Variants in TLCD3B observed in about 807,000 individuals in gnomAD.
TLCD3B encodes TLC domain containing 3B, also known as ceramide synthase.
TLCD3B carries 9 observed loss-of-function variants against 23.0 expected under a neutral mutation model. The observed-to-expected ratio is 0.39, with a 90% CI of 0.24 to 0.68. TLCD3B has a LOEUF of 0.68. TLCD3B is among the 30% of genes least tolerant of loss of function. TLCD3B has a pLI of 0.44. For missense variants in TLCD3B, 307 were observed against 371.8 expected (o/e 0.83, Z 1.43); for synonymous variants, 161 against 161.0 (o/e 1.00, Z 0.00).
chr16:30,040,312 T>C (rs2071561567), intron 3 of TLCD3B, among the ~76,000 whole-genome samples: 1 of 151,970 alleles, frequency 6.6e-6, no homozygotes, highest in Admixed American at 6.6e-5. Flanking sequence ...AGCCAGTTAC[T>C]GTCATTCTGA....
chr16:30,034,907 TTC>T (rs1398017966), upstream of TLCD3B, among the ~76,000 whole-genome samples: 3 of 134,514 alleles, frequency 2.2e-5, no homozygotes, highest in East Asian at 4.2e-4. Flanking sequence ...GTGTCTTTTT[TTC>T]TTTTTCTTTT....
At chr16:30,041,591 G>A (rs983789353) in intron 2 of TLCD3B, among the ~76,000 whole-genome samples, 4 of 151,628 alleles carry the variant, frequency 2.6e-5, no homozygotes, top group Middle Eastern at 3.2e-3. Context: ...GCATGGTGGT[G>A]GGTGCCTGTA....
At chr16:30,049,525 C>G (rs2071719003) in intron 1 of TLCD3B, among the ~76,000 whole-genome samples, 1 of 152,188 alleles carries the variant, frequency 6.6e-6, no homozygotes, top group South Asian at 2.1e-4. Flanking sequence ...TATGATACAT[C>G]TGACATCTCC....
intron 3 of TLCD3B, among the ~76,000 whole-genome samples, chr16:30,039,248 C>T (rs77600413): frequency 2.6e-5 from 4 of 151,776 alleles, no homozygotes; most frequent in South Asian, 2.1e-4. Context: ...CTTAGCCTCC[C>T]GAGTAGCTGG....
chr16:30,035,568 A>G (rs540915837), upstream of TLCD3B: 17 of 1,206,094 alleles, frequency 1.4e-5, no homozygotes, highest in South Asian at 8.2e-5. Context: ...TTCACCCCCA[A>G]TGAGGCAAGC....
chr16:30,031,791 A>G (rs2071367310), upstream of TLCD3B, among the ~76,000 whole-genome samples: 2 of 152,180 alleles, frequency 1.3e-5, no homozygotes, highest in Admixed American at 6.5e-5. Flanking sequence ...CTCCGAGGTC[A>G]CTGCGTCTGT....
chr16:30,042,301 C>T (rs181500090), intron 2 of TLCD3B, among the ~76,000 whole-genome samples: 57 of 152,060 alleles, frequency 3.7e-4, no homozygotes, highest in Admixed American at 1.3e-3. Flanking sequence ...TGCAGTGGCA[C>T]GATCTTGTCT....
intron 1 of TLCD3B, among the ~76,000 whole-genome samples, chr16:30,047,091 G>C (rs2071685170): frequency 6.6e-6 from 1 of 151,902 alleles, no homozygotes; most frequent in African/African-American, 2.4e-5. Flanking sequence ...CTCCTAAGTA[G>C]CTAGAATTAC....
chr16:30,036,303 GT>G, intron 3 of TLCD3B: 9 of 1,289,032 alleles, frequency 7.0e-6, no homozygotes, highest in Non-Finnish European at 9.1e-6. Context: ...CAAAGCGATT[GT>G]TGTTCCATTA....
chr16:30,040,441 A>C (rs1490520692), intron 3 of TLCD3B, among the ~76,000 whole-genome samples: 1 of 152,014 alleles, frequency 6.6e-6, no homozygotes, highest in Non-Finnish European at 1.5e-5. Flanking sequence ...TGAGTCTCAG[A>C]AAAGTTGAAT....
intron 2 of TLCD3B, among the ~76,000 whole-genome samples, chr16:30,041,790 T>G (rs2071583465): frequency 6.6e-6 from 1 of 152,032 alleles, no homozygotes; most frequent in African/African-American, 2.4e-5. Context: ...ATATCTTTTA[T>G]TTTGTGACTG....
intron 2 of TLCD3B, chr16:30,027,286 T>C (rs950289389): frequency 7.3e-6 from 3 of 413,662 alleles, no homozygotes; most frequent in African/African-American, 4.1e-5. Context: ...CGCCCATTCC[T>C]GCCTCCTGGG....
At position 30,025,679 on chromosome 16, in the gene TLCD3B, C is replaced by T; in HGVS notation, c.540+47G>A. ...AGCAACCTTGAAGGTCCCTCCCCTT[C>T]CTGTGACCTCCCCATTGGGCTCCTG... On this transcript the variant is annotated intron_variant, in intron 4 of 4. Transcript: ENST00000380495. This position sits in a 1 kb window ranked among gnomAD's most constrained non-coding sequence, Gnocchi z 4.1. 6.3e-7 allele frequency: 1 copy of T among 1,586,202 alleles called. No individual in the cohort carries two copies. Among genetic ancestry groups the T allele is most frequent in the South Asian group, 1.1e-5 (1 of 90,518 alleles).
At chr16:30,044,911 G>A (rs878875158) in intron 2 of TLCD3B, among the ~76,000 whole-genome samples, 1 of 151,752 alleles carries the variant, frequency 6.6e-6, no homozygotes, top group South Asian at 2.1e-4. Context: ...TGGCCAATAT[G>A]GTGTAACCCC....
Position 30,025,858 on chromosome 16 carries a change from C to G in TLCD3B, c.445-37G>C, listed in dbSNP as rs749960213. Reference sequence around the variant, plus strand: ...GGCAGGAAGGTGAGGAGCTGGGGCTCTCCCTGGGTTCTTGGGCAGCCCCCG... The same window carrying G: ...GGCAGGAAGGTGAGGAGCTGGGGCTGTCCCTGGGTTCTTGGGCAGCCCCCG... On this transcript the variant is annotated intron_variant, in intron 3 of 4. Transcript: ENST00000380495. This position sits in a 1 kb window ranked among gnomAD's most constrained non-coding sequence, Gnocchi z 4.1. 8.4e-6 allele frequency: 13 copies of G among 1,553,920 alleles called. No individual in the cohort carries two copies. The African/African-American group carries it at 1.8e-4, about 21-fold the overall frequency.
At chr16:30,039,837 AG>A (rs1158051377) in intron 3 of TLCD3B, among the ~76,000 whole-genome samples, 6 of 151,234 alleles carry the variant, frequency 4.0e-5, no homozygotes, top group African/African-American at 1.5e-4. Context: ...GAAAATTAAA[AG>A]TTAAACCAAG....
intron 3 of TLCD3B, among the ~76,000 whole-genome samples, chr16:30,037,115 TA>T (rs998578171): frequency 1.7e-4 from 24 of 142,726 alleles, no homozygotes; most frequent in African/African-American, 3.1e-4. Context: ...AATAATAAAA[TA>T]AAAAAAAAAC....
intron 3 of TLCD3B, among the ~76,000 whole-genome samples, chr16:30,040,141 A>ATAT (rs1322383138): frequency 4.9e-5 from 5 of 102,380 alleles, no homozygotes; most frequent in Middle Eastern, 5.3e-3. Context: ...CTCAAAAAAA[A>ATAT]AAAAAAATAT....
At chr16:30,035,157 C>T, upstream of TLCD3B, 1 of 468,424 alleles carries the variant, frequency 2.1e-6, no homozygotes, top group Non-Finnish European at 3.5e-6. Context: ...GGTGATCCAC[C>T]TGCCTCAGCT....
Sources: gnomAD v4.1 joint callset for allele counts (sites outside exome capture counted in the v4.1 genomes callset) on GRCh38, gnomAD v4.1.1 for gene constraint, Gnocchi (gnomAD v3.1) non-coding constraint, MANE v1.5 for transcripts, NCBI Gene and HGNC (gene_info 2026-07-23, HGNC 2026-07-21) for gene names.